The following FGF12 variants were observed in gnomAD, a reference collection of about 807,000 sequenced individuals.
The protein encoded by FGF12 is fibroblast growth factor 12B.
In FGF12, 14 loss-of-function variants were observed where a neutral mutation model predicts 23.6. That is an observed-to-expected ratio of 0.59 (90% CI 0.39 to 0.93). FGF12 has a LOEUF of 0.93. Among genes scored for constraint, FGF12 ranks in the 40% least tolerant of loss-of-function variants. The probability of loss-of-function intolerance (pLI) is 0.00; values close to 1 mark genes in which losing one functional copy is unlikely to be tolerated. For missense variants in FGF12, 175 were observed against 217.8 expected, an observed-to-expected ratio of 0.80 and a Z score of 1.24; for synonymous variants, 62 against 77.3, an observed-to-expected ratio of 0.80 and a Z score of 1.04.
chr3:192,307,508 G>A (rs537330936), intron 4 of FGF12, among the ~76,000 whole-genome samples: 2 of 152,278 alleles, frequency 1.3e-5, no homozygotes, highest in African/African-American at 2.4e-5. Context: ...AATAAAGCTA[G>A]AGTGGGCACA....
intron 2 of FGF12, among the ~76,000 whole-genome samples, chr3:192,362,399 C>G (rs556198036): frequency 1.3e-5 from 2 of 152,226 alleles, no homozygotes; most frequent in East Asian, 3.9e-4. Context: ...CCCTCCACCC[C>G]ACGACAGTCC....
intron 2 of FGF12, among the ~76,000 whole-genome samples, chr3:192,530,212 T>A (rs1236745093): frequency 1.3e-5 from 2 of 152,204 alleles, no homozygotes; most frequent in Admixed American, 1.3e-4. Context: ...GGTTGAGCTT[T>A]GAAATCAAAC....
At chr3:192,704,690 A>G (rs1395850869) in intron 2 of FGF12, among the ~76,000 whole-genome samples, 1 of 152,224 alleles carries the variant, frequency 6.6e-6, no homozygotes, top group African/African-American at 2.4e-5. Flanking sequence ...GAAGCCAGAC[A>G]TTGACTTCTT....
chr3:192,186,240 C>T (rs192739421), intron 4 of FGF12, among the ~76,000 whole-genome samples: 7 of 152,146 alleles, frequency 4.6e-5, no homozygotes, highest in East Asian at 3.9e-4. Flanking sequence ...AAGGAAAATG[C>T]GAATACTTCT....
chr3:192,194,519 A>G (rs1398245485), intron 4 of FGF12, among the ~76,000 whole-genome samples: 1 of 152,200 alleles, frequency 6.6e-6, no homozygotes, highest in Non-Finnish European at 1.5e-5. Context: ...ACAGCACTAA[A>G]CATCTGGGTA....
chr3:192,456,868 A>G (rs1340101933), intron 2 of FGF12, among the ~76,000 whole-genome samples: 1 of 152,200 alleles, frequency 6.6e-6, no homozygotes, highest in Non-Finnish European at 1.5e-5. Flanking sequence ...TATAACATAA[A>G]TCCACACATG....
chr3:192,275,604 G>A (rs1713735003), intron 4 of FGF12, among the ~76,000 whole-genome samples: 1 of 152,014 alleles, frequency 6.6e-6, no homozygotes, highest in Non-Finnish European at 1.5e-5. Context: ...TTTCTAAGTG[G>A]GAACTAAAAA....
chr3:192,409,119 A>C lies in FGF12; in HGVS notation c.14-48581T>G. On this transcript the variant is annotated intron_variant, in intron 2 of 5. Coordinates refer to ENST00000445105, the MANE Select transcript of FGF12 (RefSeq NM_004113.6). The surrounding 1 kb of genome is among the most constrained non-coding windows in gnomAD (Gnocchi z 4.8). ...GGAGGGAGATCCTCGAGGGCCAAGC[A>C]CCCCTCGGGGAGAAACCAGCGAGAG... The C allele has an allele frequency of 2.7e-6, 1 of 375,962 alleles. No homozygotes were observed. The highest frequency in any genetic ancestry group is 3.7e-6 in the Non-Finnish European group (1 of 272,994). The allele number at this position is 375,962 out of a possible 1,614,324, so 23.3% of individuals were successfully genotyped here.
chr3:192,577,479 T>C (rs879880557), intron 2 of FGF12, among the ~76,000 whole-genome samples: 76 of 152,304 alleles, frequency 5.0e-4, no homozygotes, highest in Admixed American at 2.2e-3. Context: ...GGAAACATGA[T>C]CCTGCCAACT....
In FGF12 at chr3:192,158,432, TTC is replaced by T. The variant is rs1162461070; in HGVS notation, c.427+12024_427+12025del. Among the ~76,000 whole-genome samples the T allele has an allele frequency of 9.1e-4, 131 of 143,336 alleles. 3 individuals are homozygous for T. Among genetic ancestry groups the T allele is most frequent in the African/African-American group, 1.3e-3 (50 of 38,876 alleles). 94.0% of individuals were successfully genotyped at this position (143,336 alleles called of 152,430 possible). A position where few individuals can be genotyped will look rare whatever the true frequency, so the allele number is the denominator to read the frequency against. On this transcript the variant is annotated intron_variant, in intron 5 of 5. Transcript: ENST00000445105. ...CTTTCTTTCTCTTTCTTTTTCTTTTTTCTTTCTTTCTTTCTTCTTTTTTCTTG... is the reference window on the plus strand; with the variant it reads ...CTTTCTTTCTCTTTCTTTTTCTTTTTTTTCTTTCTTTCTTCTTTTTTCTTG...
chr3:192,170,306 G>T, intron 5 of FGF12, 152 bp downstream of exon 5: 1 of 551,536 alleles, frequency 1.8e-6, no homozygotes, highest in Non-Finnish European at 3.2e-6. Flanking sequence ...AAAAAAGGAA[G>T]AGATACTATT....
intron 2 of FGF12, among the ~76,000 whole-genome samples, chr3:192,684,892 G>A (rs1007406462): frequency 2.0e-5 from 3 of 152,090 alleles, no homozygotes; most frequent in South Asian, 2.1e-4. Context: ...TAAACACAAC[G>A]TGGATGAGGG....
At chr3:192,238,980 C>G (rs1455311254) in intron 4 of FGF12, among the ~76,000 whole-genome samples, 1 of 152,130 alleles carries the variant, frequency 6.6e-6, no homozygotes, top group Non-Finnish European at 1.5e-5. Flanking sequence ...GAAAGTAGAC[C>G]AGCATCCTAA....
chr3:192,365,997 A>G (rs1383454014), intron 2 of FGF12, among the ~76,000 whole-genome samples: 1 of 145,302 alleles, frequency 6.9e-6, no homozygotes, highest in Non-Finnish European at 1.5e-5. Flanking sequence ...AAAAAAAAAC[A>G]ACAACAAAAA....
In FGF12 at chr3:192,640,795, T is replaced by TTTTG. The variant is rs139763676; in HGVS notation, c.13+86382_13+86385dup. Among the ~76,000 whole-genome samples, 943 of 150,128 alleles carry TTTTG rather than the reference T, an allele frequency of 6.3e-3. 6 individuals carry two copies. Among genetic ancestry groups the TTTTG allele is most frequent in the Admixed American group, 0.012 (181 of 15,076 alleles). ...TAGGCTGAGAGTTAAAACCCCTTTT[T>TTTTG]TTTGTTTGTTTGTTTGTTTGTTTGT... On this transcript the variant is annotated intron_variant, in intron 2 of 5. Transcript: ENST00000445105.
At chr3:192,222,287 A>G (rs1388006512) in intron 4 of FGF12, among the ~76,000 whole-genome samples, 2 of 131,260 alleles carry the variant, frequency 1.5e-5, no homozygotes, top group African/African-American at 2.9e-5. Context: ...AGCCGACTCT[A>G]TTGAAGAGAC....
chr3:192,362,180 C>G (rs1222969115), intron 2 of FGF12, among the ~76,000 whole-genome samples: 3 of 152,094 alleles, frequency 2.0e-5, no homozygotes, highest in Admixed American at 2.0e-4. Context: ...TCTAATCCCA[C>G]AACTATGGAC....
intron 2 of FGF12, among the ~76,000 whole-genome samples, chr3:192,569,658 C>A (rs149750428): frequency 6.6e-6 from 1 of 152,094 alleles, no homozygotes; most frequent in South Asian, 2.1e-4. Flanking sequence ...TCTCATTTTA[C>A]GGAAGAGGAA....
chr3:192,252,882 C>A (rs1466383880), intron 4 of FGF12, among the ~76,000 whole-genome samples: 1 of 152,044 alleles, frequency 6.6e-6, no homozygotes, highest in African/African-American at 2.4e-5. Flanking sequence ...ACATTATTGC[C>A]TTTTGAAACA....
Sources: allele counts gnomAD v4.1 joint callset (sites outside exome capture counted in the v4.1 genomes callset), GRCh38; gene constraint gnomAD v4.1.1; non-coding constraint Gnocchi (gnomAD v3.1); transcripts MANE v1.5; gene names NCBI Gene and HGNC (gene_info 2026-07-23, HGNC 2026-07-21).